GLDC: variants seen among roughly 807,000 people sequenced by gnomAD.
GLDC encodes glycine dehydrogenase (decarboxylating), mitochondrial.
Under a neutral mutation model 121.3 loss-of-function variants are expected in GLDC, and 104 were observed. The ratio of observed to expected loss-of-function variants is 0.86; its 90% CI spans 0.73 to 1.01. The LOEUF (loss-of-function observed/expected upper bound fraction) is 1.01. Ranked by LOEUF, GLDC falls within the 50% of genes least tolerant of loss-of-function variation. The pLI, the probability that GLDC is intolerant of heterozygous loss-of-function variation, is 0.00. For synonymous variants in GLDC, 546 were observed against 480.6 expected (o/e 1.14, Z -1.78); for missense variants, 1,429 against 1,306.6 (o/e 1.09, Z -1.44).
intron 2 of GLDC, among the ~76,000 whole-genome samples, chr9:6,629,505 G>A (rs560385078): frequency 2.5e-4 from 38 of 152,066 alleles, no homozygotes; most frequent in Admixed American, 4.6e-4. Flanking sequence ...TACATTACTA[G>A]GACTAGGTTT....
rs568948794 is a variant in GLDC at position 6,582,601 on chromosome 9, G to C, written c.1850+4540C>G. 5.3e-5 allele frequency among the ~76,000 whole-genome samples: 8 copies of C among 151,852 alleles called. 1 individual carries two copies. Among genetic ancestry groups the C allele is most frequent in the African/African-American group, 1.9e-4 (8 of 41,366 alleles). On this transcript the variant is annotated intron_variant, in intron 15 of 24. Coordinates refer to ENST00000321612, the MANE Select transcript of GLDC (RefSeq NM_000170.3). ...TCCCAGCACTTTGAGAGGCCGAGGC[G>C]GGTGGATCACGAGGTCAGGAGATCG...
chr9:6,534,921 G>T, intron 23 of GLDC, 133 bp from the exon 24 acceptor site: 1 of 681,764 alleles, frequency 1.5e-6, no homozygotes, highest in East Asian at 2.8e-5. Context: ...AATTTAGGGG[G>T]GTACAATGTG....
chr9:6,553,542 G>A, intron 19 of GLDC, 33 bp from the exon 20 acceptor site: 1 of 1,609,084 alleles, frequency 6.2e-7, no homozygotes, highest in Non-Finnish European at 8.5e-7. Context: ...TTCAGAAAAT[G>A]TAAACGATTC....
intron 15 of GLDC, among the ~76,000 whole-genome samples, chr9:6,575,182 G>T (rs1818039273): frequency 6.6e-6 from 1 of 151,142 alleles, no homozygotes; most frequent in Non-Finnish European, 1.5e-5. Context: ...CTCCAGCCTG[G>T]GCGACAGAGT....
intron 12 of GLDC, 78 bp from the exon 13 acceptor site, chr9:6,588,780 C>A (rs915469753): frequency 2.3e-6 from 2 of 870,584 alleles, no homozygotes; most frequent in Non-Finnish European, 4.0e-6. Flanking sequence ...ATATAAGACA[C>A]ACCGAAATCT....
At position 6,594,803 on chromosome 9, in the gene GLDC, A is replaced by AAAAG. The variant is rs78626191; in HGVS notation, c.1261+207_1261+210dup. 0.03 allele frequency among the ~76,000 whole-genome samples: 4,459 copies of AAAAG among 149,982 alleles called. 108 individuals are homozygous for AAAAG. Among genetic ancestry groups the AAAAG allele is most frequent in the Admixed American group, 0.052 (784 of 14,964 alleles). Reference sequence around the variant, plus strand: ...AGAAAGAAAGCAAGAAAAAGGAAATAAAAGAAAGAAAGAAAGAAAGAAAGA... The same window carrying AAAAG: ...AGAAAGAAAGCAAGAAAAAGGAAATAAAAGAAAGAAAGAAAGAAAGAAAGAAAGA... On this transcript the variant is annotated intron_variant, in intron 9 of 24. Transcript: ENST00000321612.
chr9:6,556,451 A>T, intron 17 of GLDC, 149 bp from the exon 18 acceptor site: 1 of 660,456 alleles, frequency 1.5e-6, no homozygotes, highest in Non-Finnish European at 2.7e-6. Context: ...TGACAGCAAT[A>T]AAAAAAAACC....
chr9:6,585,753 C>G (rs965610523), intron 15 of GLDC, among the ~76,000 whole-genome samples: 8 of 152,214 alleles, frequency 5.3e-5, no homozygotes, highest in Non-Finnish European at 1.0e-4. Context: ...GGGGCAGATA[C>G]CATAACTCAT....
chr9:6,557,329 C>T (rs1817654763), intron 17 of GLDC, among the ~76,000 whole-genome samples: 1 of 152,198 alleles, frequency 6.6e-6, no homozygotes, highest in African/African-American at 2.4e-5. Context: ...GGCGTGGTAG[C>T]TCACGCCTGT....
chr9:6,557,080 G>A (rs1263721228), intron 17 of GLDC, among the ~76,000 whole-genome samples: 1 of 152,162 alleles, frequency 6.6e-6, no homozygotes, highest in Non-Finnish European at 1.5e-5. Flanking sequence ...GATAGGAGGA[G>A]TAAGTTGTAG....
chr9:6,585,924 T>C (rs1250523509), intron 15 of GLDC, among the ~76,000 whole-genome samples: 1 of 147,184 alleles, frequency 6.8e-6, no homozygotes, highest in African/African-American at 2.5e-5. Context: ...TCATCTATCA[T>C]CATGAAGGCA....
At chr9:6,589,135 C>T (rs1300500099) in intron 12 of GLDC, 60 bp downstream of exon 12, 4 of 1,020,952 alleles carry the variant, frequency 3.9e-6, no homozygotes, top group Non-Finnish European at 4.7e-6. Context: ...CAGCACTCTG[C>T]CTAACTCCCT....
At chr9:6,617,982 T>A (rs1268563919) in intron 3 of GLDC, among the ~76,000 whole-genome samples, 1 of 152,246 alleles carries the variant, frequency 6.6e-6, no homozygotes, top group Non-Finnish European at 1.5e-5. Context: ...TTGCTAGGAA[T>A]ACTTTGAATT....
chr9:6,633,731 G>A (rs1032757553), intron 2 of GLDC, among the ~76,000 whole-genome samples: 2 of 151,232 alleles, frequency 1.3e-5, no homozygotes, highest in African/African-American at 2.4e-5. Flanking sequence ...GACCAGCCTG[G>A]CCAACACAGC....
chr9:6,637,489 G>A lies in GLDC; in HGVS notation c.334+7125C>T, dbSNP rs549002483. Among the ~76,000 whole-genome samples, 245 of 151,662 alleles carry A rather than the reference G, an allele frequency of 1.6e-3. 1 individual carries two copies. Among genetic ancestry groups the A allele is most frequent in the African/African-American group, 5.6e-3 (230 of 41,334 alleles). Reference sequence around the variant, plus strand: ...TTTTTTGAGATGAAGTCATTCTGTCGCCCAGGCTGGTGTGCAGTGGCGCAA... The same window carrying A: ...TTTTTTGAGATGAAGTCATTCTGTCACCCAGGCTGGTGTGCAGTGGCGCAA... On this transcript the variant is annotated intron_variant, in intron 2 of 24. Coordinates refer to ENST00000321612, the MANE Select transcript of GLDC (RefSeq NM_000170.3).
At chr9:6,623,155 C>A (rs562174261) in intron 2 of GLDC, 6 of 170,016 alleles carry the variant, frequency 3.5e-5, no homozygotes, top group Non-Finnish European at 7.0e-5. Context: ...ATGACAATGG[C>A]GGTTTTGTGG....
At chr9:6,577,561 A>T (rs1818090630) in intron 15 of GLDC, among the ~76,000 whole-genome samples, 2 of 152,248 alleles carry the variant, frequency 1.3e-5, no homozygotes, top group Non-Finnish European at 2.9e-5. Flanking sequence ...TTGACTAAAT[A>T]ACATATGATC....
chr9:6,567,414 G>A (rs1817875022), intron 15 of GLDC: 1 of 152,212 alleles, frequency 6.6e-6, no homozygotes, highest in Admixed American at 6.5e-5. Flanking sequence ...CCTGAGAGAT[G>A]TGTAAAATGG....
intron 16 of GLDC, among the ~76,000 whole-genome samples, chr9:6,564,544 AGT>A (rs1817817613): frequency 6.6e-6 from 1 of 152,202 alleles, no homozygotes; most frequent in Non-Finnish European, 1.5e-5. Context: ...GCAACTCTCT[AGT>A]ATCAGCAGAT....
Sources: gnomAD v4.1 joint callset for allele counts (sites outside exome capture counted in the v4.1 genomes callset) on GRCh38, gnomAD v4.1.1 for gene constraint, MANE v1.5 for transcripts, NCBI Gene and HGNC (gene_info 2026-07-23, HGNC 2026-07-21) for gene names.